The following RABGAP1L variants were observed in gnomAD, a reference collection of about 807,000 sequenced individuals.
The protein encoded by RABGAP1L is RAB GTPase activating protein 1 like.
A neutral mutation model predicts 137.7 loss-of-function variants in RABGAP1L; 63 were observed. That is an observed-to-expected ratio of 0.46 (90% CI 0.37 to 0.56). The LOEUF (loss-of-function observed/expected upper bound fraction) is 0.56. Ranked by LOEUF, RABGAP1L falls within the 20% of genes least tolerant of loss-of-function variation. RABGAP1L has a pLI of 0.00. For missense variants in RABGAP1L, 1,095 were observed against 1,244.0 expected (o/e 0.88, Z 1.80); for synonymous variants, 431 against 433.7 (o/e 0.99, Z 0.08).
At chr1:174,840,827 T>TA (rs5778818) in intron 19 of RABGAP1L, among the ~76,000 whole-genome samples, 18 of 126,144 alleles carry the variant, frequency 1.4e-4, no homozygotes, top group African/African-American at 2.2e-4. Flanking sequence ...AAAAAAAAAA[T>TA]AAAAAAAAAA....
intron 19 of RABGAP1L, chr1:174,874,436 A>T: frequency 1.0e-6 from 1 of 984,630 alleles, no homozygotes; most frequent in Non-Finnish European, 1.2e-6. Context: ...TCCTGCTTGA[A>T]CTGAGGACCA....
At chr1:174,345,971 T>C (rs1446431473) in intron 11 of RABGAP1L, among the ~76,000 whole-genome samples, 7 of 152,184 alleles carry the variant, frequency 4.6e-5, no homozygotes, top group Non-Finnish European at 8.8e-5. Context: ...TTTTGAAGTT[T>C]ATCAAAATTT....
intron 18 of RABGAP1L, chr1:174,800,377 A>G: frequency 6.4e-7 from 1 of 1,550,460 alleles, no homozygotes; most frequent in Non-Finnish European, 8.7e-7. Context: ...CTAAGCTCAC[A>G]CCTCCTGTCA....
chr1:174,903,007 C>G (rs891439436), intron 19 of RABGAP1L, among the ~76,000 whole-genome samples: 2 of 152,200 alleles, frequency 1.3e-5, no homozygotes, highest in African/African-American at 4.8e-5. Flanking sequence ...AGGAAACTGG[C>G]TAAGACATCA....
At chr1:174,492,584 A>T (rs1660361531) in intron 13 of RABGAP1L, among the ~76,000 whole-genome samples, 1 of 152,014 alleles carries the variant, frequency 6.6e-6, no homozygotes, top group Non-Finnish European at 1.5e-5. Flanking sequence ...TCCTGACCTC[A>T]GGCGATCCGC....
intron 17 of RABGAP1L, among the ~76,000 whole-genome samples, chr1:174,719,760 AAT>A (rs1336950290): frequency 2.0e-5 from 3 of 152,222 alleles, no homozygotes; most frequent in Non-Finnish European, 4.4e-5. Flanking sequence ...CATCAGTCCA[AAT>A]TCAGCCAAAG....
At chr1:174,587,482 A>G (rs1426391812) in intron 13 of RABGAP1L, among the ~76,000 whole-genome samples, 1 of 151,662 alleles carries the variant, frequency 6.6e-6, no homozygotes, top group Non-Finnish European at 1.5e-5. Flanking sequence ...ATAAAATATA[A>G]AAGTACAATA....
intron 5 of RABGAP1L, chr1:174,245,644 A>AT (rs112636312): frequency 0.23 from 34,305 of 146,710 alleles, 4,330 homozygotes; most frequent in Non-Finnish European, 0.27. Flanking sequence ...TGAACTTTTT[A>AT]TTTTTTTTTT....
chr1:174,955,722 G>A (rs932007231), intron 19 of RABGAP1L, among the ~76,000 whole-genome samples: 3 of 152,198 alleles, frequency 2.0e-5, no homozygotes. Flanking sequence ...TACGCAAGAA[G>A]TTTGCAACAT....
intron 17 of RABGAP1L, among the ~76,000 whole-genome samples, chr1:174,745,999 G>T (rs572240018): frequency 6.6e-6 from 1 of 152,300 alleles, no homozygotes; most frequent in East Asian, 1.9e-4. Context: ...AGGTGCTGAT[G>T]CACACTTGGT....
At chr1:174,785,677 G>C (rs562033502) in intron 18 of RABGAP1L, among the ~76,000 whole-genome samples, 1 of 152,172 alleles carries the variant, frequency 6.6e-6, no homozygotes, top group East Asian at 1.9e-4. Context: ...GGGACCATTC[G>C]AGCCCTGTAG....
chr1:174,596,878 G>C (rs1669977373), intron 13 of RABGAP1L, among the ~76,000 whole-genome samples: 1 of 151,988 alleles, frequency 6.6e-6, no homozygotes, highest in South Asian at 2.1e-4. Flanking sequence ...GTTGAAGTAT[G>C]TTTCTTCTCT....
intron 13 of RABGAP1L, among the ~76,000 whole-genome samples, chr1:174,447,653 G>C (rs867922617): frequency 2.8e-4 from 43 of 152,180 alleles, no homozygotes; most frequent in African/African-American, 9.9e-4. Flanking sequence ...CTTTCCAGTT[G>C]CTCCCTAAGA....
chr1:174,534,012 G>A (rs554875438), intron 13 of RABGAP1L, among the ~76,000 whole-genome samples: 197 of 152,198 alleles, frequency 1.3e-3, no homozygotes, highest in Admixed American at 2.2e-3. Context: ...TTATCACCAA[G>A]GCTTCTGGCT....
intron 14 of RABGAP1L, among the ~76,000 whole-genome samples, chr1:174,656,464 T>C (rs1392305956): frequency 6.6e-6 from 1 of 152,088 alleles, no homozygotes; most frequent in East Asian, 1.9e-4. Context: ...TCTCAATAAA[T>C]AGAATAGAAT....
At chr1:174,489,434 A>G (rs1367308676) in intron 13 of RABGAP1L, among the ~76,000 whole-genome samples, 1 of 152,198 alleles carries the variant, frequency 6.6e-6, no homozygotes, top group African/African-American at 2.4e-5. Context: ...AAAAATGCTC[A>G]TCATCACTGG....
chr1:174,499,977 T>G (rs1661107278), intron 13 of RABGAP1L, among the ~76,000 whole-genome samples: 1 of 152,164 alleles, frequency 6.6e-6, no homozygotes, highest in African/African-American at 2.4e-5. Context: ...TGAAGGGAAT[T>G]TGGGGATCAT....
At chr1:174,861,724 A>G (rs1350455894) in intron 19 of RABGAP1L, among the ~76,000 whole-genome samples, 1 of 152,076 alleles carries the variant, frequency 6.6e-6, no homozygotes, top group East Asian at 1.9e-4. Flanking sequence ...ACCTTTTCAT[A>G]TACTTGCTGG....
chr1:174,827,218 C>T (rs1224714816), intron 19 of RABGAP1L, among the ~76,000 whole-genome samples: 1 of 152,086 alleles, frequency 6.6e-6, no homozygotes, highest in South Asian at 2.1e-4. Context: ...GATTATAGCT[C>T]ACTGCAATCT....
Sources: gnomAD v4.1 joint callset for allele counts (sites outside exome capture counted in the v4.1 genomes callset) on GRCh38, gnomAD v4.1.1 for gene constraint, MANE v1.5 for transcripts, NCBI Gene and HGNC (gene_info 2026-07-23, HGNC 2026-07-21) for gene names.